The following MAVS variants were observed in gnomAD, a reference collection of about 807,000 sequenced individuals.
The protein encoded by MAVS is mitochondrial antiviral-signaling protein.
Under a neutral mutation model 30.2 loss-of-function variants are expected in MAVS, and 20 were observed. The ratio of observed to expected loss-of-function variants is 0.66; its 90% CI spans 0.47 to 0.96. MAVS has a LOEUF of 0.96. Ranked by LOEUF, MAVS falls within the 40% of genes least tolerant of loss-of-function variation. The probability of loss-of-function intolerance (pLI) is 0.00; values close to 1 mark genes in which losing one functional copy is unlikely to be tolerated. For synonymous variants in MAVS, 278 were observed against 293.9 expected (o/e 0.95, Z 0.55); for missense variants, 624 against 701.1 (o/e 0.89, Z 1.24).
At position 3,857,597 on chromosome 20, in the gene MAVS, A is replaced by G. The variant is rs567456278; in HGVS notation, c.118-38A>G. ...TCTGGGTGGGGAAGTGGCAGGGGCC[A>G]CCTGGCTTGAGCAGGACAGTGGCAT... On this transcript the variant is annotated intron_variant, in intron 2 of 6. Transcript: ENST00000428216. 16 of 1,568,736 alleles carry G rather than the reference A, an allele frequency of 1.0e-5. No individual in the cohort carries two copies. In the African/African-American group the frequency reaches 2.0e-4, roughly 20 times the overall value.
Position 3,859,951 on chromosome 20 carries a change from G to C in MAVS, c.293-1381G>C, listed in dbSNP as rs868044355. 4.2e-4 allele frequency among the ~76,000 whole-genome samples: 63 copies of C among 149,784 alleles called. 1 individual carries two copies. The highest frequency in any genetic ancestry group is 1.5e-3 in the African/African-American group (60 of 40,634). ...CCTGCCTCAGCCTCCCGAGTAGCTG[G>C]GACTACAGGCGCCTGCAACCATGCC... On this transcript the variant is annotated intron_variant, in intron 3 of 6. Coordinates refer to ENST00000428216, the MANE Select transcript of MAVS (RefSeq NM_020746.5).
intron 3 of MAVS, 104 bp from the exon 4 acceptor site, chr20:3,861,228 C>G (rs1276153701): frequency 9.1e-7 from 1 of 1,100,154 alleles, no homozygotes; most frequent in Non-Finnish European, 1.3e-6. Context: ...GATCTGACCT[C>G]GTGATCTGCC....
At chr20:3,861,595 C>T in intron 4 of MAVS, 91 bp downstream of exon 4, 2 of 1,371,746 alleles carry the variant, frequency 1.5e-6, no homozygotes, top group Non-Finnish European at 2.0e-6. Context: ...CCTCTCCCGT[C>T]CCCTATAAAT....
chr20:3,862,265 A>G lies in MAVS; in HGVS notation c.477A>G (p.Gln159=), dbSNP rs761165694. 1 of 1,613,448 alleles carries G rather than the reference A, an allele frequency of 6.2e-7. No homozygotes were observed. Among genetic ancestry groups the G allele is most frequent in the Non-Finnish European group, 8.5e-7 (1 of 1,179,812 alleles). Reference sequence around the variant, plus strand: ...TTCCCTCATTGCAGAATTCAGAGCAAGCCCTGCAGACGCTCAGCCCCAGAG... The same window carrying G: ...TTCCCTCATTGCAGAATTCAGAGCAGGCCCTGCAGACGCTCAGCCCCAGAG... The part of the protein sequence containing the change: ...APESPGENSE[Q]ALQTLSPRAI... The change falls in exon 5 of 7, where the codon CAA becomes CAG. Residue 159 remains glutamine (Q), a synonymous_variant. Coordinates refer to ENST00000428216, the MANE Select transcript of MAVS (RefSeq NM_020746.5).
At chr20:3,864,132 G>A in intron 5 of MAVS, 124 bp from the exon 6 acceptor site, 1 of 1,080,108 alleles carries the variant, frequency 9.3e-7, no homozygotes, top group East Asian at 2.4e-5. Flanking sequence ...CTCCTCCAAG[G>A]GCAGGAGATT....
At chr20:3,860,265 T>C (rs2089855345) in intron 3 of MAVS, among the ~76,000 whole-genome samples, 1 of 151,826 alleles carries the variant, frequency 6.6e-6, no homozygotes, top group Admixed American at 6.6e-5. Flanking sequence ...TCTTGCTCAG[T>C]CGCCCAGGCT....
chr20:3,867,284 A>G lies in MAVS; in HGVS notation c.*1137A>G, dbSNP rs759172860. 5.8e-6 allele frequency: 2 copies of G among 346,298 alleles called. No individual in the cohort carries two copies. The highest frequency in any genetic ancestry group is 1.1e-5 in the Non-Finnish European group (2 of 176,292). The allele number at this position is 346,298 out of a possible 1,614,324, so 21.5% of individuals were successfully genotyped here. A position where few individuals can be genotyped will look rare whatever the true frequency, so the allele number is the denominator to read the frequency against. On this transcript the variant is annotated 3_prime_UTR_variant, in exon 7 of 7. Coordinates refer to ENST00000428216, the MANE Select transcript of MAVS (RefSeq NM_020746.5). Reference sequence around the variant, plus strand: ...GTAAAAGGAGGATAAGTATATATATATATTTCCCAGTGTTGTGAAGATTAA... The same window carrying G: ...GTAAAAGGAGGATAAGTATATATATGTATTTCCCAGTGTTGTGAAGATTAA...
At position 3,865,633 on chromosome 20, in the gene MAVS, CGTCTCCCT is replaced by C; in HGVS notation, c.1159-48_1159-41del. 1 of 1,501,146 alleles carries C rather than the reference CGTCTCCCT, an allele frequency of 6.7e-7. No homozygotes were observed. Among genetic ancestry groups the C allele is most frequent in the African/African-American group, 1.4e-5 (1 of 72,324 alleles). The allele number at this position is 1,501,146 out of a possible 1,614,324, so 93.0% of individuals were successfully genotyped here. A position where few individuals can be genotyped will look rare whatever the true frequency, so the allele number is the denominator to read the frequency against. On this transcript the variant is annotated intron_variant, in intron 6 of 6. Transcript: ENST00000428216. The surrounding 1 kb of genome is among the most constrained non-coding windows in gnomAD (Gnocchi z 4.7). ...GGGAATGGGACCGCCCTACCAGGTT[CGTCTCCCT>C]GCCAACCCCAGTCCCTTCCAGTGCT...
rs534487788 is a variant in MAVS at position 3,855,812 on chromosome 20, T to TG, written c.117+1072dup. Among the ~76,000 whole-genome samples, 4 of 152,356 alleles carry TG rather than the reference T, an allele frequency of 2.6e-5. No homozygotes were observed. In the East Asian group the frequency reaches 7.7e-4, roughly 29 times the overall value. On this transcript the variant is annotated intron_variant, in intron 2 of 6. Transcript: ENST00000428216. ...ATTTTTTTTTGAGACGGAGTCTCGC[T>TG]GTGTTGCCCAGGCTGCAGTGCAATG...
At chr20:3,852,055 C>T (rs1196222335) in intron 1 of MAVS, among the ~76,000 whole-genome samples, 4 of 142,492 alleles carry the variant, frequency 2.8e-5, no homozygotes, top group Non-Finnish European at 5.9e-5. Context: ...AGTGCAGTGG[C>T]GCAATCTTGG....
rs1371059018 is a variant in MAVS at position 3,868,067 on chromosome 20, A to G, written c.*1920A>G. On this transcript the variant is annotated 3_prime_UTR_variant, in exon 7 of 7. Transcript: ENST00000428216. ...TACAGCTTTTTCACTCCACTGCCCT[A>G]GGGGAGTTCAGCAACCTAATGATCT... is the stretch of plus-strand genomic sequence containing the variant. 1 of 152,246 alleles carries G rather than the reference A, an allele frequency of 6.6e-6. No homozygotes were observed. Among genetic ancestry groups the G allele is most frequent in the African/African-American group, 2.4e-5 (1 of 41,400 alleles). The allele number at this position is 152,246 out of a possible 1,614,324, so 9.4% of individuals were successfully genotyped here.
Position 3,870,270 on chromosome 20 carries a change from C to T in MAVS, c.*4123C>T, listed in dbSNP as rs1420266293. On this transcript the variant is annotated 3_prime_UTR_variant, in exon 7 of 7. Coordinates refer to ENST00000428216, the MANE Select transcript of MAVS (RefSeq NM_020746.5). ...TGGGTGGGGCCAGAGGGACCAGTGC[C>T]CTCCTCAGTGCTTAGGGGCAGAGCC... 1.3e-5 allele frequency: 2 copies of T among 152,322 alleles called. No individual in the cohort carries two copies. Among genetic ancestry groups the T allele is most frequent in the Non-Finnish European group, 2.9e-5 (2 of 68,070 alleles). 9.4% of individuals were successfully genotyped at this position (152,322 alleles called of 1,614,324 possible).
rs1259780960 is a variant in MAVS, at chr20:3,875,499, A to G, written c.*9352A>G. On this transcript the variant is annotated 3_prime_UTR_variant, in exon 7 of 7. Transcript: ENST00000428216. Reference sequence around the variant, plus strand: ...TTAAAAAAAAAAAAAACCAGCCAAAACCACAACTTTTTACTGAAGTGTAAT... The same window carrying G: ...TTAAAAAAAAAAAAAACCAGCCAAAGCCACAACTTTTTACTGAAGTGTAAT... 6.6e-6 allele frequency: 1 copy of G among 152,060 alleles called. No individual in the cohort carries two copies. Among genetic ancestry groups the G allele is most frequent in the African/African-American group, 2.4e-5 (1 of 41,348 alleles). 9.4% of individuals were successfully genotyped at this position (152,060 alleles called of 1,614,324 possible).
In MAVS at chr20:3,861,505, G is replaced by T; in HGVS notation, c.465+1G>T. The T allele has an allele frequency of 6.2e-7, 1 of 1,613,352 alleles. No individual in the cohort carries two copies. The highest frequency in any genetic ancestry group is 8.5e-7 in the Non-Finnish European group (1 of 1,179,722). ...CCAGGCGCCAGAGTCCCCAGGAGAG[G>T]TCTGTCCTCATAGTCTACCTTGAGC... On this transcript the variant is annotated splice_donor_variant, in intron 4 of 6. Transcript: ENST00000428216. LOFTEE classifies it high-confidence loss of function.
At position 3,866,139 on chromosome 20, in the gene MAVS, C is replaced by G. The variant is rs1600455681; in HGVS notation, c.1615C>G (p.Leu539Val). Residue 539 changes from leucine (L) to valine (V), a missense_variant, in exon 7 of 7, where the codon CTG becomes GTG. Physicochemically the swap from Leu to Val is conservative, Grantham distance 32. Transcript: ENST00000428216. Reference protein sequence around the residue: ...TLLVVLYRRRLH With the variant: ...TLLVVLYRRRVH ...CCTGGTGGTGCTGTACCGGCGGCGT[C>G]TGCACTAGTGAAGCCCTGGGCTCTT... 1 of 1,587,572 alleles carries G rather than the reference C, an allele frequency of 6.3e-7. No individual in the cohort carries two copies. Among genetic ancestry groups the G allele is most frequent in the Admixed American group, 1.7e-5 (1 of 58,656 alleles).
chr20:3,854,174 A>G (rs2089788894), intron 1 of MAVS, among the ~76,000 whole-genome samples: 2 of 151,820 alleles, frequency 1.3e-5, no homozygotes. Context: ...TGTAATCCCC[A>G]AACTTGGGAG....
Position 3,864,400 on chromosome 20 carries a change from C to T in MAVS, c.770C>T (p.Ser257Leu), listed in dbSNP as rs2089889399. The T allele has an allele frequency of 6.2e-7, 1 of 1,614,114 alleles. No individual in the cohort carries two copies. The highest frequency in any genetic ancestry group is 8.5e-7 in the Non-Finnish European group (1 of 1,180,026). The change falls in exon 6 of 7, where the codon TCA becomes TTA. Residue 257 changes from serine to leucine, a missense_variant. Ser to Leu is a moderately radical substitution (Grantham distance 145). Coordinates refer to ENST00000428216, the MANE Select transcript of MAVS (RefSeq NM_020746.5). ...TCTACTGGCACCTCCTTCTCCTCCT[C>T]ATCCCCTGGCTTGGCCTCTGCAGGG... ...VVSTGTSFSSSSPGLASAGAA... is the reference protein window; with the variant it reads ...VVSTGTSFSSLSPGLASAGAA...
chr20:3,852,808 AATTC>A (rs1373627767), intron 1 of MAVS, among the ~76,000 whole-genome samples: 78 of 150,156 alleles, frequency 5.2e-4, no homozygotes, highest in Non-Finnish European at 1.8e-4. Context: ...GGTGGTCATC[AATTC>A]ATTTTTAGCA....
chr20:3,862,667 G>C (rs916714154), intron 5 of MAVS, among the ~76,000 whole-genome samples: 14 of 152,066 alleles, frequency 9.2e-5, no homozygotes, highest in African/African-American at 3.4e-4. Flanking sequence ...GATCCTGTGG[G>C]TCAGGCATTT....
Sources: allele counts gnomAD v4.1 joint callset (sites outside exome capture counted in the v4.1 genomes callset), GRCh38; gene constraint gnomAD v4.1.1; non-coding constraint Gnocchi (gnomAD v3.1); transcripts MANE v1.5; gene names NCBI Gene and HGNC (gene_info 2026-07-23, HGNC 2026-07-21).